ANKRD42: variants seen among roughly 807,000 people sequenced by gnomAD.
ANKRD42 encodes ankyrin repeat domain-containing protein 42.
ANKRD42 carries 43 observed loss-of-function variants against 51.5 expected under a neutral mutation model. That is an observed-to-expected ratio of 0.83 (90% CI 0.65 to 1.08). The LOEUF is 1.08. ANKRD42 is among the 50% of genes least tolerant of loss of function. ANKRD42 has a pLI of 0.00. For missense variants in ANKRD42, 608 were observed against 629.3 expected, an observed-to-expected ratio of 0.97 and a Z score of 0.36; for synonymous variants, 203 against 213.0, an observed-to-expected ratio of 0.95 and a Z score of 0.41.
chr11:83,257,152 A>G (rs986773589), downstream of ANKRD42: 7 of 339,774 alleles, frequency 2.1e-5, no homozygotes, highest in Non-Finnish European at 4.0e-5. Context: ...TGGTTTCAGC[A>G]ATCAAATGCA....
chr11:83,198,731 A>G (rs1226797313), intron 2 of ANKRD42, 89 bp downstream of exon 2: 1 of 1,228,686 alleles, frequency 8.1e-7, no homozygotes, highest in Non-Finnish European at 1.1e-6. Flanking sequence ...ACCTTATGGT[A>G]GGTACTGCAT....
chr11:83,252,568 T>C (rs1045995333), downstream of ANKRD42, among the ~76,000 whole-genome samples: 31 of 152,146 alleles, frequency 2.0e-4, 1 homozygote, highest in Non-Finnish European at 1.2e-4. Context: ...TCACAAACAC[T>C]ATGCTGACTA....
chr11:83,246,808 T>A (rs1461744971), intron 10 of ANKRD42, among the ~76,000 whole-genome samples: 1 of 152,210 alleles, frequency 6.6e-6, no homozygotes, highest in Non-Finnish European at 1.5e-5. Context: ...AAGCTGACAT[T>A]TGGCTCTAGT....
At chr11:83,218,211 C>T (rs547806400) in intron 5 of ANKRD42, among the ~76,000 whole-genome samples, 25 of 152,240 alleles carry the variant, frequency 1.6e-4, no homozygotes, top group African/African-American at 5.5e-4. Context: ...ATAGGTTTTT[C>T]CTAGTCTTCC....
chr11:83,230,907 G>A lies in ANKRD42; in HGVS notation c.913+3035G>A, dbSNP rs192221991. Among the ~76,000 whole-genome samples, 402 of 152,156 alleles carry A rather than the reference G, an allele frequency of 2.6e-3. 1 individual carries two copies. Among genetic ancestry groups the A allele is most frequent in the Middle Eastern group, 0.01 (3 of 294 alleles). ...AGCTGATCTTATTCTTTTTTATGGC[G>A]GATTAGTACTGCATTGTGTATATGT... On this transcript the variant is annotated intron_variant, in intron 7 of 10. Coordinates refer to ENST00000533342, the MANE Select transcript of ANKRD42 (RefSeq NM_001300975.2).
At position 83,255,896 on chromosome 11, in the gene ANKRD42, A is replaced by AC; in HGVS notation, c.1516_1517insC (p.Lys506ThrfsTer23). 6.5e-7 allele frequency: 1 copy of AC among 1,534,918 alleles called. No homozygotes were observed. The highest frequency in any genetic ancestry group is 1.2e-5 in the South Asian group (1 of 83,830). ...CAAAGAGAAGAGGCGAGTAAAAAAA[A>AC]AGGTTTCTTCTGGAGGGGTGTTTGT... On this transcript the variant is annotated frameshift_variant, in exon 12 of 12. Transcript: ENST00000260047. LOFTEE classifies it high-confidence loss of function.
At chr11:83,254,621 G>C (rs931809667) in intron 11 of ANKRD42, among the ~76,000 whole-genome samples, 2 of 151,628 alleles carry the variant, frequency 1.3e-5, no homozygotes, top group African/African-American at 4.8e-5. Flanking sequence ...AGCGGAGATA[G>C]GGTTGGCCAG....
At chr11:83,236,565 C>CT in intron 8 of ANKRD42, 56 bp downstream of exon 8, 1 of 1,346,404 alleles carries the variant, frequency 7.4e-7, no homozygotes, top group Non-Finnish European at 1.0e-6. Flanking sequence ...TTTGCGTATA[C>CT]TTTTTTGGAC....
Position 83,194,173 on chromosome 11 carries a change from G to A in ANKRD42, c.-498G>A. On this transcript the variant is annotated 5_prime_UTR_variant, in exon 1 of 11. Transcript: ENST00000533342. ...CAGCAGCGACGTGAATTTTAGTGAA[G>A]TTGGAGGCCACCAAACTACCGACTC... The A allele has an allele frequency of 2.2e-6, 1 of 457,594 alleles. No individual in the cohort carries two copies. The highest frequency in any genetic ancestry group is 2.3e-5 in the Admixed American group (1 of 42,602). 28.3% of individuals were successfully genotyped at this position (457,594 alleles called of 1,614,324 possible).
At chr11:83,209,903 C>T (rs914596391) in intron 3 of ANKRD42, 1 of 411,550 alleles carries the variant, frequency 2.4e-6, no homozygotes, top group South Asian at 2.7e-5. Flanking sequence ...ATCCAGAATA[C>T]ACTTGGCAGA....
intron 5 of ANKRD42, among the ~76,000 whole-genome samples, chr11:83,212,400 A>G (rs1040811660): frequency 2.0e-5 from 3 of 152,088 alleles, no homozygotes; most frequent in Non-Finnish European, 1.5e-5. Context: ...TATTTTTTAA[A>G]CACTACTGCA....
chr11:83,196,130 C>A (rs1861643692), intron 1 of ANKRD42, among the ~76,000 whole-genome samples: 1 of 152,178 alleles, frequency 6.6e-6, no homozygotes, highest in Non-Finnish European at 1.5e-5. Context: ...GCGTGAGCCA[C>A]CGCGCCCGGC....
chr11:83,227,081 A>C (rs140319201), intron 6 of ANKRD42, among the ~76,000 whole-genome samples: 3,194 of 152,222 alleles, frequency 0.021, 100 homozygotes, highest in African/African-American at 0.072. Context: ...TGCTGTTTTC[A>C]CTATCTTATA....
intron 2 of ANKRD42, among the ~76,000 whole-genome samples, chr11:83,201,995 A>C (rs1240549688): frequency 6.6e-6 from 1 of 152,116 alleles, no homozygotes; most frequent in Non-Finnish European, 1.5e-5. Flanking sequence ...TCTTTAGTTT[A>C]ATTAAATCCT....
chr11:83,223,913 C>T (rs1345958863), intron 5 of ANKRD42, among the ~76,000 whole-genome samples: 1 of 151,552 alleles, frequency 6.6e-6, no homozygotes, highest in African/African-American at 2.4e-5. Context: ...GTAATCATTG[C>T]CTCAAAGCTT....
intron 9 of ANKRD42, among the ~76,000 whole-genome samples, chr11:83,245,207 C>G (rs972537082): frequency 4.6e-5 from 7 of 152,224 alleles, no homozygotes; most frequent in African/African-American, 2.4e-5. Flanking sequence ...CTGGTCAATA[C>G]TGCTAGTCTT....
downstream of ANKRD42, among the ~76,000 whole-genome samples, chr11:83,263,998 A>G (rs1864089623): frequency 6.6e-6 from 1 of 152,214 alleles, no homozygotes; most frequent in Non-Finnish European, 1.5e-5. Flanking sequence ...ATTTGTTAAT[A>G]TCAAAAATCT....
chr11:83,255,994 A>G (rs1480418546), exon 12 of ANKRD42: 1 of 1,242,002 alleles, frequency 8.1e-7, no homozygotes, highest in East Asian at 2.5e-5. Context: ...AAATTGATAT[A>G]AATGTGAGTC....
intron 2 of ANKRD42, among the ~76,000 whole-genome samples, chr11:83,205,203 A>T (rs1352115152): frequency 6.6e-6 from 1 of 152,240 alleles, no homozygotes; most frequent in Non-Finnish European, 1.5e-5. Context: ...ATGAATGTCG[A>T]CAGTGGCTTT....
Sources: allele counts gnomAD v4.1 joint callset (sites outside exome capture counted in the v4.1 genomes callset), GRCh38; gene constraint gnomAD v4.1.1; transcripts MANE v1.5; gene names NCBI Gene and HGNC (gene_info 2026-07-23, HGNC 2026-07-21).